Variants in DLGAP1 observed in about 807,000 individuals in gnomAD.
DLGAP1 encodes DLG associated protein 1.
Under a neutral mutation model 90.8 loss-of-function variants are expected in DLGAP1, and 11 were observed. The observed-to-expected ratio is 0.12, with a 90% CI of 0.08 to 0.20. The LOEUF is 0.20. DLGAP1 is among the 10% of genes least tolerant of loss of function. The pLI is 1.00. For missense variants in DLGAP1, 1,050 were observed against 1,333.8 expected, an observed-to-expected ratio of 0.79 and a Z score of 3.31; for synonymous variants, 558 against 540.7, an observed-to-expected ratio of 1.03 and a Z score of -0.44.
chr18:3,725,572 T>A (rs1469170898), intron 7 of DLGAP1, among the ~76,000 whole-genome samples: 1 of 152,200 alleles, frequency 6.6e-6, no homozygotes, highest in African/African-American at 2.4e-5. Context: ...ACTGTAATAT[T>A]AACTGCTCTA....
Position 4,432,589 on chromosome 18 carries a change from A to AGTGTGT in DLGAP1, c.-267+22411_-267+22416dup, listed in dbSNP as rs545618675. 7.9e-3 allele frequency among the ~76,000 whole-genome samples: 882 copies of AGTGTGT among 111,464 alleles called. 4 individuals carry two copies. The highest frequency in any genetic ancestry group is 0.015 in the African/African-American group (479 of 32,778). The allele number at this position is 111,464 out of a possible 152,430, so 73.1% of individuals were successfully genotyped here. A position where few individuals can be genotyped will look rare whatever the true frequency, so the allele number is the denominator to read the frequency against. On this transcript the variant is annotated intron_variant, in intron 1 of 12. Coordinates refer to ENST00000315677, the MANE Select transcript of DLGAP1 (RefSeq NM_004746.4). ...AGCTAACACATCCATCACCTCACAT[A>AGTGTGT]GTGTGTGTGTGTGTGTGTGTGTGTG...
intron 1 of DLGAP1, among the ~76,000 whole-genome samples, chr18:4,198,569 ATAT>A (rs1276162835): frequency 9.2e-5 from 14 of 152,232 alleles, no homozygotes; most frequent in African/African-American, 2.9e-4. Context: ...GTCATCGATA[ATAT>A]TATGGAAACT....
intron 5 of DLGAP1, among the ~76,000 whole-genome samples, chr18:3,786,268 T>C (rs1026243418): frequency 3.3e-5 from 5 of 152,010 alleles, no homozygotes; most frequent in East Asian, 1.9e-4. Flanking sequence ...TCCACAGAGG[T>C]CAAAGGCTGA....
chr18:4,219,531 A>G (rs1215184395), intron 1 of DLGAP1, among the ~76,000 whole-genome samples: 2 of 151,846 alleles, frequency 1.3e-5, no homozygotes, highest in Non-Finnish European at 2.9e-5. Context: ...TTTTGGGGTC[A>G]TATCTAAAAA....
chr18:3,702,490 C>A (rs1002532012), intron 7 of DLGAP1, among the ~76,000 whole-genome samples: 1 of 152,216 alleles, frequency 6.6e-6, no homozygotes. Context: ...CAGCAACAGA[C>A]CCCTAGGGGA....
At chr18:3,581,721 A>G (rs1438177293) in intron 8 of DLGAP1, among the ~76,000 whole-genome samples, 154 bp downstream of exon 8, 2 of 152,100 alleles carry the variant, frequency 1.3e-5, no homozygotes, top group Admixed American at 6.5e-5. Flanking sequence ...ATTTAACAGT[A>G]TACGGAGTCC....
chr18:4,060,149 T>C (rs961509746), intron 2 of DLGAP1, among the ~76,000 whole-genome samples: 2 of 152,240 alleles, frequency 1.3e-5, no homozygotes, highest in Admixed American at 1.3e-4. Context: ...AGGGTCTCTC[T>C]GCTCTAGCTG....
intron 7 of DLGAP1, among the ~76,000 whole-genome samples, chr18:3,700,754 C>T (rs1473900812): frequency 4.6e-5 from 7 of 151,812 alleles, no homozygotes; most frequent in African/African-American, 1.7e-4. Context: ...GGACTACAGG[C>T]GCCCACCACC....
chr18:3,628,773 C>G (rs891984353), intron 7 of DLGAP1, among the ~76,000 whole-genome samples: 4 of 152,160 alleles, frequency 2.6e-5, no homozygotes, highest in African/African-American at 9.7e-5. Context: ...GCTTCTTTTA[C>G]TTAATGTTGT....
At chr18:4,116,952 T>C (rs1002910539) in intron 2 of DLGAP1, among the ~76,000 whole-genome samples, 2 of 152,168 alleles carry the variant, frequency 1.3e-5, no homozygotes, top group African/African-American at 2.4e-5. Flanking sequence ...AATTCACAGA[T>C]TGAAGTCCTA....
At chr18:3,756,690 T>TA (rs1349796436) in intron 5 of DLGAP1, among the ~76,000 whole-genome samples, 1 of 151,668 alleles carries the variant, frequency 6.6e-6, no homozygotes, top group Non-Finnish European at 1.5e-5. Flanking sequence ...GTAGGCTCTT[T>TA]AAAAAAATCA....
chr18:4,401,428 A>G (rs975027515), intron 1 of DLGAP1, among the ~76,000 whole-genome samples: 4 of 152,224 alleles, frequency 2.6e-5, no homozygotes, highest in Admixed American at 6.5e-5. Flanking sequence ...AGTACCAGGC[A>G]CTACACTAGG....
chr18:4,043,963 G>A (rs1361020294), intron 2 of DLGAP1, among the ~76,000 whole-genome samples: 1 of 152,206 alleles, frequency 6.6e-6, no homozygotes, highest in East Asian at 1.9e-4. Context: ...AACGAAGACA[G>A]ACCAATGTCA....
chr18:4,376,096 T>C (rs2082008713), intron 1 of DLGAP1, among the ~76,000 whole-genome samples: 2 of 152,142 alleles, frequency 1.3e-5, no homozygotes. Context: ...TACTTGATGA[T>C]AGAAAGTATC....
chr18:3,575,052 G>A (rs572364865), intron 8 of DLGAP1, among the ~76,000 whole-genome samples: 304 of 152,196 alleles, frequency 2.0e-3, no homozygotes, highest in African/African-American at 7.0e-3. Flanking sequence ...CTGACCTCGT[G>A]ATCTGCCCAC....
At chr18:3,846,098 G>A (rs2068998928) in intron 4 of DLGAP1, among the ~76,000 whole-genome samples, 1 of 147,258 alleles carries the variant, frequency 6.8e-6, no homozygotes, top group African/African-American at 2.5e-5. Flanking sequence ...TCGGGATGGG[G>A]CAAAGGAACT....
chr18:3,525,598 A>G (rs887466145), intron 10 of DLGAP1, among the ~76,000 whole-genome samples: 44 of 152,178 alleles, frequency 2.9e-4, no homozygotes, highest in African/African-American at 9.9e-4. Flanking sequence ...CGGAGTTTCA[A>G]CCATGTTGGC....
At chr18:4,124,806 T>G (rs1045514180) in intron 2 of DLGAP1, among the ~76,000 whole-genome samples, 1 of 152,344 alleles carries the variant, frequency 6.6e-6, no homozygotes, top group African/African-American at 2.4e-5. Flanking sequence ...TCTCTTGATA[T>G]GGGCTATTTC....
chr18:3,600,726 A>G (rs1259468570), intron 7 of DLGAP1, among the ~76,000 whole-genome samples: 44 of 35,750 alleles, frequency 1.2e-3, no homozygotes, highest in Admixed American at 2.1e-3. Flanking sequence ...ATATAGAGAT[A>G]TAGATATATA....
Sources: gnomAD v4.1 joint callset for allele counts (sites outside exome capture counted in the v4.1 genomes callset) on GRCh38, gnomAD v4.1.1 for gene constraint, MANE v1.5 for transcripts, NCBI Gene and HGNC (gene_info 2026-07-23, HGNC 2026-07-21) for gene names.